SACM1L: variants seen among roughly 807,000 people sequenced by gnomAD.
SACM1L encodes the protein phosphatidylinositol-3-phosphatase SAC1.
SACM1L carries 32 observed loss-of-function variants against 89.5 expected under a neutral mutation model. That is an observed-to-expected ratio of 0.36 (90% CI 0.27 to 0.48). The LOEUF (loss-of-function observed/expected upper bound fraction) is 0.48. Ranked by LOEUF, SACM1L falls within the 20% of genes least tolerant of loss-of-function variation. SACM1L has a pLI of 0.99. For missense variants in SACM1L, 543 were observed against 708.5 expected, an observed-to-expected ratio of 0.77 and a Z score of 2.65; for synonymous variants, 213 against 232.8, an observed-to-expected ratio of 0.92 and a Z score of 0.77.
At chr3:45,710,330 A>G (rs1342120725) in intron 5 of SACM1L, among the ~76,000 whole-genome samples, 2 of 151,562 alleles carry the variant, frequency 1.3e-5, no homozygotes, top group Non-Finnish European at 2.9e-5. Flanking sequence ...CCTTGTAGGT[A>G]GCTGCAATTA....
intron 2 of SACM1L, 147 bp from the exon 3 acceptor site, chr3:45,704,988 G>T: frequency 1.8e-6 from 1 of 566,302 alleles, no homozygotes; most frequent in South Asian, 2.1e-5. Context: ...TCTATCAATA[G>T]TGCATTTAAG....
At chr3:45,689,619 C>A in intron 1 of SACM1L, 122 bp downstream of exon 1, 2 of 1,226,162 alleles carry the variant, frequency 1.6e-6, no homozygotes, top group Admixed American at 4.0e-5. Context: ...CTCGCATTTA[C>A]CGGTTTTCCT....
intron 5 of SACM1L, among the ~76,000 whole-genome samples, chr3:45,711,978 AT>A (rs1480581277): frequency 3.3e-5 from 5 of 152,230 alleles, no homozygotes; most frequent in Admixed American, 1.3e-4. Context: ...ATTCCAAATC[AT>A]TTAACTTTAT....
chr3:45,721,453 C>T (rs559008915), intron 8 of SACM1L, among the ~76,000 whole-genome samples: 2 of 152,300 alleles, frequency 1.3e-5, no homozygotes, highest in Non-Finnish European at 1.5e-5. Flanking sequence ...ACCCGGGAAG[C>T]GGAGGTTGCG....
intron 1 of SACM1L, among the ~76,000 whole-genome samples, chr3:45,702,316 G>A (rs1238027577): frequency 6.6e-6 from 1 of 152,160 alleles, no homozygotes; most frequent in Non-Finnish European, 1.5e-5. Flanking sequence ...GTCCATGATG[G>A]TTGTGTGGGT....
At chr3:45,695,040 C>T (rs988633369) in intron 1 of SACM1L, among the ~76,000 whole-genome samples, 2 of 152,104 alleles carry the variant, frequency 1.3e-5, no homozygotes, top group African/African-American at 4.8e-5. Flanking sequence ...CTGTGATGAA[C>T]TTGAGCTATA....
chr3:45,727,858 G>A (rs1698959428), intron 11 of SACM1L, among the ~76,000 whole-genome samples: 1 of 152,164 alleles, frequency 6.6e-6, no homozygotes, highest in East Asian at 1.9e-4. Flanking sequence ...GCCTTCCAAA[G>A]TGCTGGGATT....
At chr3:45,736,592 T>C (rs930620203) in intron 14 of SACM1L, among the ~76,000 whole-genome samples, 2 of 152,230 alleles carry the variant, frequency 1.3e-5, no homozygotes, top group African/African-American at 4.8e-5. Context: ...GTCTGTAGTT[T>C]GTATTGTGCT....
rs766615536 is a variant in SACM1L, at chr3:45,703,425, C to G, written c.33-13C>G. ...CATTTGGTTAGTTATTTATGTTTTACATTTCTTCTTAGGCATATCACACCT... is the reference window on the plus strand; with the variant it reads ...CATTTGGTTAGTTATTTATGTTTTAGATTTCTTCTTAGGCATATCACACCT... On this transcript the variant is annotated splice_polypyrimidine_tract_variant and intron_variant, in intron 1 of 19. Coordinates refer to ENST00000389061, the MANE Select transcript of SACM1L (RefSeq NM_014016.5). The G allele has an allele frequency of 6.4e-7, 1 of 1,566,830 alleles. No homozygotes were observed. Among genetic ancestry groups the G allele is most frequent in the East Asian group, 2.2e-5 (1 of 44,506 alleles).
At chr3:45,724,997 T>C (rs1186129159) in intron 11 of SACM1L, among the ~76,000 whole-genome samples, 2 of 151,906 alleles carry the variant, frequency 1.3e-5, no homozygotes, top group Non-Finnish European at 3.0e-5. Flanking sequence ...GTTGAACATA[T>C]ATATAAGGTC....
chr3:45,702,377 A>G (rs1698296359), intron 1 of SACM1L, among the ~76,000 whole-genome samples: 1 of 152,242 alleles, frequency 6.6e-6, no homozygotes, highest in African/African-American at 2.4e-5. Context: ...AAAGGAAAAG[A>G]AAAAGCCCTC....
chr3:45,702,842 T>C (rs1173396381), intron 1 of SACM1L, among the ~76,000 whole-genome samples: 1 of 152,160 alleles, frequency 6.6e-6, no homozygotes, highest in Non-Finnish European at 1.5e-5. Context: ...TTCAGGAACA[T>C]ATATATGGGT....
Position 45,737,627 on chromosome 3 carries a change from T to C in SACM1L, c.1284T>C (p.Asp428=). The part of the protein sequence containing the change: ...LHVGQKLEEQ[D]EFEKIYKNAW... ...TGGGACAAAAGCTTGAAGAACAAGA[T>C]GAATTTGAGAAGATTTACAAAAATG... The change falls in exon 15 of 20, where the codon GAT becomes GAC. Residue 428 remains aspartate (D), a synonymous_variant. Transcript: ENST00000389061. 3.8e-6 allele frequency: 6 copies of C among 1,593,524 alleles called. No homozygotes were observed. Among genetic ancestry groups the C allele is most frequent in the Non-Finnish European group, 4.3e-6 (5 of 1,175,204 alleles).
intron 12 of SACM1L, 33 bp downstream of exon 12, chr3:45,731,413 C>T (rs769871692): frequency 1.4e-6 from 2 of 1,428,734 alleles, no homozygotes; most frequent in South Asian, 2.3e-5. Context: ...CAGGTCTTTT[C>T]AGATCAGATG....
intron 8 of SACM1L, among the ~76,000 whole-genome samples, chr3:45,720,339 T>C (rs1422069131): frequency 6.6e-6 from 1 of 152,194 alleles, no homozygotes; most frequent in Admixed American, 6.5e-5. Flanking sequence ...TGATTAAATT[T>C]TTGAACAGGT....
At chr3:45,716,739 G>A (rs1446381384) in intron 7 of SACM1L, among the ~76,000 whole-genome samples, 5 of 152,030 alleles carry the variant, frequency 3.3e-5, no homozygotes, top group African/African-American at 1.2e-4. Flanking sequence ...GCATGTTGAG[G>A]GGAGTATGTG....
Position 45,703,464 on chromosome 3 carries a change from T to C in SACM1L, c.59T>C (p.Val20Ala), listed in dbSNP as rs778686870. The C allele has an allele frequency of 6.2e-7, 1 of 1,613,026 alleles. No homozygotes were observed. Among genetic ancestry groups the C allele is most frequent in the Non-Finnish European group, 8.5e-7 (1 of 1,179,164 alleles). The change falls in exon 2 of 20, where the codon GTG (valine) becomes GCG (alanine). Residue 20 changes from valine to alanine, a missense_variant. By Grantham distance (64) the Val-to-Ala change is moderately conservative. Around this residue, in one of 2 missense-constraint regions of SACM1L, gnomAD observed 173 missense variants for 180.9 expected, o/e 0.96. Transcript: ENST00000389061. Reference sequence around the variant, plus strand: ...CATATCACACCTGAAAAATTTTATGTGGAAGCTTGTGATGATGGAGCAGAT... The same window carrying C: ...CATATCACACCTGAAAAATTTTATGCGGAAGCTTGTGATGATGGAGCAGAT... ...KLHITPEKFY[V>A]EACDDGADDV...
chr3:45,710,946 A>G (rs1040970471), intron 5 of SACM1L, among the ~76,000 whole-genome samples: 1 of 152,170 alleles, frequency 6.6e-6, no homozygotes, highest in Non-Finnish European at 1.5e-5. Context: ...AAACATCTCT[A>G]CAACGTCAGC....
At chr3:45,700,529 G>A (rs543244747) in intron 1 of SACM1L, among the ~76,000 whole-genome samples, 88 of 152,254 alleles carry the variant, frequency 5.8e-4, no homozygotes, top group African/African-American at 2.1e-3. Context: ...AAAAAACAAT[G>A]TTAAAACCCA....
Sources: allele counts gnomAD v4.1 joint callset (sites outside exome capture counted in the v4.1 genomes callset), GRCh38; gene constraint gnomAD v4.1.1; regional missense constraint gnomAD v4.1.1; transcripts MANE v1.5; gene names NCBI Gene and HGNC (gene_info 2026-07-23, HGNC 2026-07-21).